The following FAT1 variants were observed in gnomAD, a reference collection of about 807,000 sequenced individuals.
The protein encoded by FAT1 is protocadherin Fat 1.
FAT1 carries 171 observed loss-of-function variants against 329.8 expected under a neutral mutation model. The ratio of observed to expected loss-of-function variants is 0.52; its 90% confidence interval spans 0.46 to 0.59. The LOEUF (loss-of-function observed/expected upper bound fraction) is 0.59. Among genes scored for constraint, FAT1 ranks in the 20% least tolerant of loss-of-function variants. FAT1 has a pLI of 0.00. For synonymous variants in FAT1, 2,233 were observed against 2,228.6 expected, an observed-to-expected ratio of 1.00 and a Z score of -0.06; for missense variants, 5,672 against 5,774.4, an observed-to-expected ratio of 0.98 and a Z score of 0.57.
In FAT1 at chr4:186,617,013, A is replaced by T; in HGVS notation, c.9067T>A (p.Cys3023Ser). ...AGGGAAGAGCTGCTTACCTTTTCAC[A>T]AACTGGACTGTTGTCATTTGCATCC... ...VLDANDNSPVCEKTLYSDTIP... is the reference protein window; with the variant it reads ...VLDANDNSPVSEKTLYSDTIP... Residue 3023 changes from cysteine to serine, a missense_variant, in exon 11 of 27, where the codon TGT (cysteine) becomes AGT (serine). Physicochemically the swap from Cys to Ser is moderately radical, Grantham distance 112 (BLOSUM62 -1). This residue lies in a region of FAT1 where 3,966 missense variants were observed against 3,915.2 expected (regional missense o/e 1.01). Transcript: ENST00000441802. 1 of 1,612,010 alleles carries T rather than the reference A, an allele frequency of 6.2e-7. No homozygotes were observed.
In FAT1 at chr4:186,603,873, G is replaced by A; in HGVS notation, c.10653C>T (p.Phe3551=). 1 of 1,613,840 alleles carries A rather than the reference G, an allele frequency of 6.2e-7. No homozygotes were observed. Among genetic ancestry groups the A allele is most frequent in the Non-Finnish European group, 8.5e-7 (1 of 1,179,794 alleles). Residue 3551 remains phenylalanine (F), a synonymous_variant, in exon 19 of 27, where the codon TTC becomes TTT. Transcript: ENST00000441802. The part of the protein sequence containing the change: ...YPPAILPLEI[F]ITSSGEEYSG... ...AGTATTCTTCTCCAGAAGAGGTGAT[G>A]AAAATCTCCAGGGGCAAAATCGCAG...
chr4:186,708,493 C>T lies in FAT1; in HGVS notation c.1335G>A (p.Ala445=), dbSNP rs200594788. 252 of 1,613,914 alleles carry T rather than the reference C, an allele frequency of 1.6e-4. 1 individual carries two copies. Among genetic ancestry groups the T allele is most frequent in the African/African-American group, 4.0e-4 (30 of 75,018 alleles). Residue 445 remains alanine (A), a synonymous_variant, in exon 2 of 27, where the codon GCG becomes GCA. Transcript: ENST00000441802. ...AGACTTTCACCAAGACCTTGGTGGA[C>T]GCTTTTCTGTCACTTGTTGTTACTT... The part of the protein sequence containing the change: ...ELEVTTSDRK[A]STKVLVKVLG...
Position 186,635,939 on chromosome 4 carries a change from G to C in FAT1, c.4183+86C>G, listed in dbSNP as rs527735152. ...GATCTTATTCCCAATTTTAAATCCTGACTTGTGCCCAAAACTCATCAAACC... is the reference window on the plus strand; with the variant it reads ...GATCTTATTCCCAATTTTAAATCCTCACTTGTGCCCAAAACTCATCAAACC... On this transcript the variant is annotated intron_variant, in intron 6 of 26. Transcript: ENST00000441802. The C allele has an allele frequency of 1.0e-4, 124 of 1,183,500 alleles. 1 individual carries two copies. In the African/African-American group the frequency reaches 1.7e-3, roughly 17 times the overall value. The allele number at this position is 1,183,500 out of a possible 1,614,324, so 73.3% of individuals were successfully genotyped here.
chr4:186,621,395 G>C lies in FAT1; in HGVS notation c.5191C>G (p.Pro1731Ala), dbSNP rs2126524857. 1.2e-6 allele frequency: 2 copies of C among 1,613,954 alleles called. No individual in the cohort carries two copies. Among genetic ancestry groups the C allele is most frequent in the Non-Finnish European group, 1.7e-6 (2 of 1,179,886 alleles). The change falls in exon 10 of 27, where the codon CCC becomes GCC. Residue 1731 changes from proline to alanine, a missense_variant. Physicochemically the swap from Pro to Ala is conservative, Grantham distance 27. Transcript: ENST00000441802. ...TQKALDFETL[P>A]IYTLIIQGTN... ...CCTTGTATTATCAATGTGTAAATGG[G>C]CAAAGTTTCAAAGTCCAGGGCTTTC...
intron 1 of FAT1, among the ~76,000 whole-genome samples, chr4:186,720,364 C>T (rs2126722818): frequency 6.8e-6 from 1 of 146,310 alleles, no homozygotes; most frequent in East Asian, 2.0e-4. Context: ...AGTCAAGATT[C>T]TCTATGTTCT....
At chr4:186,631,745 T>C (rs538096217) in intron 7 of FAT1, among the ~76,000 whole-genome samples, 37 of 152,134 alleles carry the variant, frequency 2.4e-4, no homozygotes, top group South Asian at 1.5e-3. Flanking sequence ...TCCTCTGCTT[T>C]TCAATCCATC....
At chr4:186,704,422 G>A (rs1442783371) in intron 2 of FAT1, among the ~76,000 whole-genome samples, 1 of 151,738 alleles carries the variant, frequency 6.6e-6, no homozygotes, top group Admixed American at 6.6e-5. Context: ...GTTTCGAAAT[G>A]ATTCCTTAAA....
intron 21 of FAT1, among the ~76,000 whole-genome samples, chr4:186,600,625 T>C (rs1738767743): frequency 6.6e-6 from 1 of 152,192 alleles, no homozygotes; most frequent in South Asian, 2.1e-4. Flanking sequence ...TTAGGTAATA[T>C]CAAAAGTCAA....
rs2126415275 is a variant in FAT1, at chr4:186,600,345, G to T, written c.11656C>A (p.Leu3886Met). 1.9e-6 allele frequency: 3 copies of T among 1,611,754 alleles called. No homozygotes were observed. The highest frequency in any genetic ancestry group is 2.5e-6 in the Non-Finnish European group (3 of 1,178,752). ...CTTCCACAGTCAAACTTGTACTGCA[G>T]CCTTCCATGATGAATCTAGGATAAA... is the stretch of plus-strand genomic sequence containing the variant. ...YSILEIHHGR[L>M]QYKFDCGSGP... Residue 3886 changes from leucine to methionine, a missense_variant, in exon 22 of 27, where the codon CTG (leucine) becomes ATG (methionine). By Grantham distance (15) the Leu-to-Met change is conservative. Coordinates refer to ENST00000441802, the MANE Select transcript of FAT1 (RefSeq NM_005245.4).
At chr4:186,718,176 GA>G (rs1269680355) in intron 1 of FAT1, among the ~76,000 whole-genome samples, 1 of 152,130 alleles carries the variant, frequency 6.6e-6, no homozygotes, top group Admixed American at 6.5e-5. Flanking sequence ...TCTTCAGGGA[GA>G]AAAGTCCATC....
In FAT1 at chr4:186,603,680, C is replaced by T. The variant is rs771664786; in HGVS notation, c.10846G>A (p.Val3616Ile). The stretch of plus-strand genomic sequence containing the variant: ...ACCGTCGTGAACTTCCCATCTGTTA[C>T]GCTGACATTGAGAAGGTATTGCCCT... ...DIGQYLLNVS[V>I]TDGKFTTVAD... Residue 3616 changes from valine to isoleucine, a missense_variant, in exon 19 of 27, where the codon GTA becomes ATA. By Grantham distance (29) the Val-to-Ile change is conservative. Around this residue, in one of 2 missense-constraint regions of FAT1, gnomAD observed 1,706 missense variants for 1,859.1 expected, o/e 0.92. Coordinates refer to ENST00000441802, the MANE Select transcript of FAT1 (RefSeq NM_005245.4). 59 of 1,613,872 alleles carry T rather than the reference C, an allele frequency of 3.7e-5. No individual in the cohort carries two copies. The highest frequency in any genetic ancestry group is 3.6e-5 in the Non-Finnish European group (43 of 1,179,894).
At chr4:186,676,149 T>C (rs1461782400) in intron 2 of FAT1, among the ~76,000 whole-genome samples, 1 of 152,144 alleles carries the variant, frequency 6.6e-6, no homozygotes, top group Non-Finnish European at 1.5e-5. Context: ...TTATTTTCCA[T>C]TTATTGTATA....
chr4:186,616,366 C>T (rs1739709918), intron 11 of FAT1, among the ~76,000 whole-genome samples: 1 of 152,046 alleles, frequency 6.6e-6, no homozygotes, highest in African/African-American at 2.4e-5. Flanking sequence ...GTGGCTACTC[C>T]CACAATCCCT....
In FAT1 at chr4:186,599,997, A is replaced by C; in HGVS notation, c.12004T>G (p.Ser4002Ala). The change falls in exon 22 of 27, where the codon TCG becomes GCG. Residue 4002 changes from serine to alanine, a missense_variant. Around this residue, in one of 2 missense-constraint regions of FAT1, gnomAD observed 1,706 missense variants for 1,859.1 expected, o/e 0.92. Transcript: ENST00000441802. ...AAGCAGCCTGGAGATACATCCACCG[A>C]CTCTTCGATGTGTGCATAGCTTCTG... ...KPRSYAHIEESVDVSPGCFLT... is the reference protein window; with the variant it reads ...KPRSYAHIEEAVDVSPGCFLT... 1 of 1,613,762 alleles carries C rather than the reference A, an allele frequency of 6.2e-7. No individual in the cohort carries two copies. Among genetic ancestry groups the C allele is most frequent in the Non-Finnish European group, 8.5e-7 (1 of 1,179,820 alleles).
intron 1 of FAT1, among the ~76,000 whole-genome samples, chr4:186,712,369 T>C (rs1374697474): frequency 6.6e-6 from 1 of 152,196 alleles, no homozygotes; most frequent in East Asian, 1.9e-4. Context: ...GTGGTTTTTT[T>C]TTAGCATGAG....
chr4:186,683,877 C>T (rs1172936583), intron 2 of FAT1, among the ~76,000 whole-genome samples: 1 of 151,544 alleles, frequency 6.6e-6, no homozygotes, highest in African/African-American at 2.4e-5. Context: ...GTGATCCTTC[C>T]AAAAAGATTC....
chr4:186,613,120 T>C lies in FAT1; in HGVS notation c.9452A>G (p.Asp3151Gly), dbSNP rs1226404751. 6.2e-7 allele frequency: 1 copy of C among 1,610,044 alleles called. No homozygotes were observed. Among genetic ancestry groups the C allele is most frequent in the Admixed American group, 1.7e-5 (1 of 60,012 alleles). Residue 3151 changes from aspartate (D) to glycine (G), a missense_variant, in exon 13 of 27, where the codon GAT becomes GGT. Around this residue, in one of 2 missense-constraint regions of FAT1, gnomAD observed 1,706 missense variants for 1,859.1 expected, o/e 0.92. Transcript: ENST00000441802. ...GTLLTRVQAT[D>G]ADAGLNRKIL... ...TTCCCGGGAGATACCTGCGTCGGCA[T>C]CTGTGGCCTGCACTCTTGTCAGCAG...
chr4:186,615,196 A>C (rs1299780124), intron 11 of FAT1, among the ~76,000 whole-genome samples: 1 of 151,798 alleles, frequency 6.6e-6, no homozygotes, highest in African/African-American at 2.4e-5. Flanking sequence ...AGGGCTAAAA[A>C]ACAACCAAAG....
At chr4:186,711,772 T>C (rs1306220962) in intron 1 of FAT1, among the ~76,000 whole-genome samples, 3 of 151,896 alleles carry the variant, frequency 2.0e-5, no homozygotes, top group African/African-American at 7.3e-5. Flanking sequence ...ATACAAAAAT[T>C]AGCAGGATAT....
Sources: gnomAD v4.1 joint callset for allele counts (sites outside exome capture counted in the v4.1 genomes callset) on GRCh38, gnomAD v4.1.1 for gene constraint, gnomAD v4.1.1 regional missense constraint, MANE v1.5 for transcripts, NCBI Gene and HGNC (gene_info 2026-07-23, HGNC 2026-07-21) for gene names.